The following PCDH11Y variants were observed in gnomAD, a reference collection of about 807,000 sequenced individuals.
PCDH11Y encodes the protein protocadherin-11 Y-linked.
For synonymous variants in PCDH11Y, 9 were observed against 83.6 expected (o/e 0.11, Z 4.87); for missense variants, 12 against 224.8 (o/e 0.05, Z 6.05).
intron 3 of PCDH11Y, among the ~76,000 whole-genome samples, chrY:5,557,103 C>A: frequency 3.1e-5 from 1 of 32,013 alleles, no homozygotes; most frequent in African/African-American, 1.2e-4. Context: ...TAATGTGATG[C>A]CTCCAGTATT....
intron 3 of PCDH11Y, among the ~76,000 whole-genome samples, chrY:5,561,883 A>G: frequency 3.2e-5 from 1 of 31,686 alleles, no homozygotes. Flanking sequence ...AGGGTACTTA[A>G]TTAGCTTAAC....
At chrY:5,083,338 C>G in intron 1 of PCDH11Y, among the ~76,000 whole-genome samples, 1 of 32,760 alleles carries the variant, frequency 3.1e-5, no homozygotes, top group Non-Finnish European at 7.5e-5. Context: ...AACCTGGATA[C>G]CTTAGTTGAT....
At chrY:5,376,163 T>G in intron 2 of PCDH11Y, among the ~76,000 whole-genome samples, 1 of 31,354 alleles carries the variant, frequency 3.2e-5, no homozygotes, top group Admixed American at 3.0e-4. Context: ...TTTATTTATC[T>G]ATTTATTTAT....
At chrY:5,425,099 A>G in intron 2 of PCDH11Y, among the ~76,000 whole-genome samples, 1 of 33,840 alleles carries the variant, frequency 3.0e-5, no homozygotes, top group African/African-American at 1.1e-4. Context: ...AAACACTTCT[A>G]CAAAATTTTG....
intron 2 of PCDH11Y, among the ~76,000 whole-genome samples, chrY:5,487,876 G>A: frequency 3.0e-5 from 1 of 33,017 alleles, no homozygotes; most frequent in Non-Finnish European, 7.4e-5. Flanking sequence ...TCTTAACATC[G>A]AGTTACTTGT....
At chrY:5,730,096 C>T in intron 4 of PCDH11Y, among the ~76,000 whole-genome samples, 4 of 31,676 alleles carry the variant, frequency 1.3e-4, no homozygotes, top group African/African-American at 4.9e-4. Context: ...ATTATTTTGG[C>T]TATTTGGCTT....
chrY:5,079,331 C>G, intron 1 of PCDH11Y, among the ~76,000 whole-genome samples: 3 of 33,189 alleles, frequency 9.0e-5, no homozygotes, highest in African/African-American at 3.6e-4. Context: ...TCTCACAGTT[C>G]CACTAGATAG....
intron 1 of PCDH11Y, among the ~76,000 whole-genome samples, chrY:5,087,439 A>G: frequency 3.2e-5 from 1 of 31,115 alleles, no homozygotes; most frequent in Non-Finnish European, 7.8e-5. Flanking sequence ...TAGAAATGTC[A>G]TCTGGGAGCT....
intron 2 of PCDH11Y, among the ~76,000 whole-genome samples, chrY:5,127,351 G>T: frequency 3.1e-5 from 1 of 31,818 alleles, no homozygotes; most frequent in African/African-American, 1.2e-4. Flanking sequence ...GACTACAGGT[G>T]TGCACCACCA....
At chrY:5,461,322 T>TTAC (rs2053303090) in intron 2 of PCDH11Y, among the ~76,000 whole-genome samples, 1 of 33,406 alleles carries the variant, frequency 3.0e-5, no homozygotes, top group Non-Finnish European at 7.4e-5. Context: ...ATAAACCATG[T>TTAC]TACTACTAGT....
At chrY:5,044,492 G>C (rs1602846799) in intron 3 of PCDH11Y, among the ~76,000 whole-genome samples, 1 of 32,950 alleles carries the variant, frequency 3.0e-5, no homozygotes. Context: ...GTTATAATTT[G>C]TGTTCTTTTA....
intron 2 of PCDH11Y, among the ~76,000 whole-genome samples, chrY:5,394,154 G>A: frequency 3.0e-5 from 1 of 33,173 alleles, no homozygotes; most frequent in African/African-American, 1.2e-4. Context: ...AAATCAGATG[G>A]CATACGAGTT....
chrY:5,519,614 C>G, intron 3 of PCDH11Y, among the ~76,000 whole-genome samples: 1 of 31,361 alleles, frequency 3.2e-5, no homozygotes, highest in Non-Finnish European at 7.6e-5. Flanking sequence ...GCATGGTATT[C>G]TAATGACTTT....
At chrY:5,036,656 A>T in intron 3 of PCDH11Y, among the ~76,000 whole-genome samples, 2 of 33,845 alleles carry the variant, frequency 5.9e-5, no homozygotes, top group African/African-American at 2.3e-4. Context: ...TAATGCCAGG[A>T]TAGTTTATAT....
At chrY:5,226,782 A>G in intron 2 of PCDH11Y, among the ~76,000 whole-genome samples, 4 of 31,201 alleles carry the variant, frequency 1.3e-4, no homozygotes, top group South Asian at 7.4e-4. Context: ...TGCGTTCTCT[A>G]TTCTGTTCCA....
intron 3 of PCDH11Y, among the ~76,000 whole-genome samples, chrY:5,542,573 C>T (rs2053408443): frequency 3.1e-5 from 1 of 32,422 alleles, no homozygotes; most frequent in Non-Finnish European, 7.6e-5. Context: ...CATACATACC[C>T]TTCAGGAATT....
At chrY:5,671,534 C>T (rs2557214) in intron 4 of PCDH11Y, among the ~76,000 whole-genome samples, 1 of 28,809 alleles carries the variant, frequency 3.5e-5, no homozygotes, top group Non-Finnish European at 8.6e-5. Flanking sequence ...ATTGTAAATG[C>T]GATAACTTTT....
At chrY:5,386,398 G>C in intron 2 of PCDH11Y, among the ~76,000 whole-genome samples, 1 of 32,408 alleles carries the variant, frequency 3.1e-5, no homozygotes, top group Non-Finnish European at 7.5e-5. Context: ...GAATGTCTAG[G>C]TCTCTAGCAA....
downstream of PCDH11Y, among the ~76,000 whole-genome samples, chrY:5,109,981 G>A: frequency 3.0e-5 from 1 of 33,442 alleles, no homozygotes; most frequent in African/African-American, 1.2e-4. Flanking sequence ...TAGATTTCAG[G>A]TAGTCAAATT....
Sources: allele counts gnomAD v4.1 joint callset (sites outside exome capture counted in the v4.1 genomes callset), GRCh38; gene constraint gnomAD v4.1.1; transcripts MANE v1.5; gene names NCBI Gene and HGNC (gene_info 2026-07-23, HGNC 2026-07-21).